Variants in SUGCT observed in about 807,000 individuals in gnomAD.
SUGCT encodes succinyl-CoA:glutarate CoA-transferase.
SUGCT carries 41 observed loss-of-function variants against 55.0 expected under a neutral mutation model. The ratio of observed to expected loss-of-function variants is 0.74; its 90% confidence interval spans 0.58 to 0.97. The LOEUF (loss-of-function observed/expected upper bound fraction) is 0.97, where lower values mean the gene tolerates loss of function less well. SUGCT is among the 50% of genes least tolerant of loss of function. The pLI, the probability that SUGCT is intolerant of heterozygous loss-of-function variation, is 0.00. For missense variants in SUGCT, 568 were observed against 547.8 expected (o/e 1.04, Z -0.37); for synonymous variants, 187 against 200.4 (o/e 0.93, Z 0.56).
intron 7 of SUGCT, among the ~76,000 whole-genome samples, chr7:40,253,864 C>T (rs2150941492): frequency 6.6e-6 from 1 of 152,316 alleles, no homozygotes; most frequent in East Asian, 1.9e-4. Flanking sequence ...TTCAGGGAAC[C>T]TGCAAATAAA....
At chr7:40,533,233 CTATAAAAT>C (rs1266994730) in intron 12 of SUGCT, among the ~76,000 whole-genome samples, 5 of 152,162 alleles carry the variant, frequency 3.3e-5, no homozygotes, top group African/African-American at 1.2e-4. Context: ...TTTTCCTCAC[CTATAAAAT>C]TTTTGCACAT....
intron 12 of SUGCT, among the ~76,000 whole-genome samples, chr7:40,652,305 C>T (rs543850337): frequency 4.1e-4 from 62 of 152,306 alleles, no homozygotes; most frequent in African/African-American, 1.5e-3. Flanking sequence ...CATTTTCTAA[C>T]AGGCATAAAT....
intron 6 of SUGCT, among the ~76,000 whole-genome samples, chr7:40,211,360 C>T (rs1787325844): frequency 2.0e-5 from 3 of 152,140 alleles, no homozygotes; most frequent in South Asian, 4.1e-4. Flanking sequence ...ATTACAGGTG[C>T]CCACCATCAT....
At chr7:40,787,660 CAAAAAAAAAA>C (rs55764379) in intron 13 of SUGCT, among the ~76,000 whole-genome samples, 6 of 48,416 alleles carry the variant, frequency 1.2e-4, no homozygotes, top group African/African-American at 3.0e-4. Flanking sequence ...AAATTTTGAC[CAAAAAAAAAA>C]AAAAAAAAAA....
At chr7:40,235,440 G>A (rs1788959302) in intron 6 of SUGCT, among the ~76,000 whole-genome samples, 2 of 152,144 alleles carry the variant, frequency 1.3e-5, no homozygotes, top group Admixed American at 6.5e-5. Context: ...CGATTCTCCT[G>A]TCTTAGCCTC....
intron 9 of SUGCT, among the ~76,000 whole-genome samples, chr7:40,428,714 G>T (rs944039309): frequency 2.0e-5 from 3 of 152,026 alleles, no homozygotes; most frequent in Non-Finnish European, 2.9e-5. Flanking sequence ...TATTGTCATG[G>T]TTGTTTTTTA....
chr7:40,222,238 G>A (rs148207616), intron 6 of SUGCT, among the ~76,000 whole-genome samples: 97 of 152,306 alleles, frequency 6.4e-4, no homozygotes, highest in African/African-American at 2.2e-3. Flanking sequence ...AAGAGATCTT[G>A]GAAGAACCTA....
At chr7:40,392,983 TA>T (rs1221160980) in intron 9 of SUGCT, among the ~76,000 whole-genome samples, 1 of 152,082 alleles carries the variant, frequency 6.6e-6, no homozygotes, top group African/African-American at 2.4e-5. Flanking sequence ...GCAGAAGATA[TA>T]GTGAGTTTGG....
intron 9 of SUGCT, among the ~76,000 whole-genome samples, chr7:40,393,973 G>A (rs950490503): frequency 6.6e-6 from 1 of 152,178 alleles, no homozygotes; most frequent in Non-Finnish European, 1.5e-5. Flanking sequence ...CCAAAGAATT[G>A]TTCTAGGGAT....
chr7:40,575,129 G>T lies in SUGCT; in HGVS notation c.1089+78743G>T, dbSNP rs534096519. Reference sequence around the variant, plus strand: ...TGGGCAGGAGGGTGGCGGGGGTGGGGGTGGAGATGGGTGAAGTTTTGGAGT... The same window carrying T: ...TGGGCAGGAGGGTGGCGGGGGTGGGTGTGGAGATGGGTGAAGTTTTGGAGT... On this transcript the variant is annotated intron_variant, in intron 12 of 13. Transcript: ENST00000335693. Among the ~76,000 whole-genome samples the T allele has an allele frequency of 2.9e-3, 431 of 150,290 alleles. 10 individuals are homozygous for T. Among genetic ancestry groups the T allele is most frequent in the African/African-American group, 9.8e-3 (400 of 40,700 alleles).
At position 40,433,553 on chromosome 7, in the gene SUGCT, C is replaced by T. The variant is rs566454991; in HGVS notation, c.817-15734C>T. 2.8e-4 allele frequency among the ~76,000 whole-genome samples: 42 copies of T among 152,242 alleles called. No homozygotes were observed. In the South Asian group the frequency reaches 6.2e-3, roughly 23 times the overall value. On this transcript the variant is annotated intron_variant, in intron 9 of 13. Coordinates refer to ENST00000335693, the MANE Select transcript of SUGCT (RefSeq NM_001193313.2). ...GCCGAATATGGCCATCTCATCTCCA[C>T]CTTCCTGTTTCCTTTTGAATCTTCA...
At chr7:40,669,837 C>T (rs1437338384) in intron 12 of SUGCT, among the ~76,000 whole-genome samples, 2 of 151,034 alleles carry the variant, frequency 1.3e-5, no homozygotes, top group African/African-American at 4.9e-5. Context: ...TTACTGGAGA[C>T]CAGGAAAGAT....
intron 7 of SUGCT, among the ~76,000 whole-genome samples, chr7:40,252,596 ATTTTC>A (rs1470789357): frequency 6.6e-6 from 1 of 152,110 alleles, no homozygotes; most frequent in Non-Finnish European, 1.5e-5. Context: ...CATTCTTTTT[ATTTTC>A]TAATGACTCT....
intron 12 of SUGCT, among the ~76,000 whole-genome samples, chr7:40,513,204 G>A (rs933468386): frequency 1.3e-5 from 2 of 152,064 alleles, no homozygotes; most frequent in African/African-American, 4.8e-5. Flanking sequence ...CACCATAACT[G>A]TTCAACCTTT....
intron 12 of SUGCT, among the ~76,000 whole-genome samples, chr7:40,599,351 T>C (rs1048557793): frequency 1.3e-5 from 2 of 152,150 alleles, no homozygotes; most frequent in African/African-American, 4.8e-5. Flanking sequence ...ATTGAGGAAA[T>C]GAAGTGTGGG....
At chr7:40,147,274 A>G (rs541360705) in intron 1 of SUGCT, among the ~76,000 whole-genome samples, 5,649 of 151,716 alleles carry the variant, frequency 0.037, 337 homozygotes, top group African/African-American at 0.13. Flanking sequence ...GTGAGGTTCA[A>G]CCCCCTCCCC....
At position 40,188,486 on chromosome 7, in the gene SUGCT, T is replaced by G. The variant is rs1179900802; in HGVS notation, c.227-9T>G. ...CCCAAAGATTAATAGCTCATGTTAT[T>G]ATTTTCAGGAGCTGGTGATGATACA... On this transcript the variant is annotated splice_polypyrimidine_tract_variant and intron_variant, in intron 3 of 13. Transcript: ENST00000335693. 6.3e-7 allele frequency: 1 copy of G among 1,580,306 alleles called. No individual in the cohort carries two copies. Among genetic ancestry groups the G allele is most frequent in the Non-Finnish European group, 8.6e-7 (1 of 1,164,574 alleles).
chr7:40,566,020 CA>C (rs1796127502), intron 12 of SUGCT, among the ~76,000 whole-genome samples: 1 of 150,476 alleles, frequency 6.6e-6, no homozygotes. Context: ...CACACACACA[CA>C]CACGAATATA....
the SUGCT span, among the ~76,000 whole-genome samples, chr7:41,000,640 G>A: frequency 6.6e-6 from 1 of 152,152 alleles, no homozygotes; most frequent in Non-Finnish European, 1.5e-5. Context: ...GGAAGCCATT[G>A]GATGGATTTA....
Sources: allele counts gnomAD v4.1 joint callset (sites outside exome capture counted in the v4.1 genomes callset), GRCh38; gene constraint gnomAD v4.1.1; transcripts MANE v1.5; gene names NCBI Gene and HGNC (gene_info 2026-07-23, HGNC 2026-07-21).